ROCK2: variants seen among roughly 807,000 people sequenced by gnomAD.
ROCK2 encodes Rho associated coiled-coil containing protein kinase 2, also known as rho-associated protein kinase 2.
A neutral mutation model predicts 195.1 loss-of-function variants in ROCK2; 61 were observed. The observed-to-expected ratio is 0.31, with a 90% CI of 0.25 to 0.39. The LOEUF is 0.39. Ranked by LOEUF, ROCK2 falls within the 10% of genes least tolerant of loss-of-function variation. The probability of loss-of-function intolerance (pLI) is 1.00; values close to 1 mark genes in which losing one functional copy is unlikely to be tolerated. For synonymous variants in ROCK2, 504 were observed against 545.5 expected, an observed-to-expected ratio of 0.92 and a Z score of 1.06; for missense variants, 1,109 against 1,637.4, an observed-to-expected ratio of 0.68 and a Z score of 5.57.
chr2:11,307,036 A>G (rs574932069), intron 1 of ROCK2, among the ~76,000 whole-genome samples: 1 of 152,228 alleles, frequency 6.6e-6, no homozygotes, highest in Non-Finnish European at 1.5e-5. Flanking sequence ...TGAGGTCTCG[A>G]TATTTCATTA....
intron 15 of ROCK2, 90 bp downstream of exon 15, chr2:11,215,231 A>G: frequency 7.1e-7 from 1 of 1,405,206 alleles, no homozygotes; most frequent in Non-Finnish European, 9.6e-7. Context: ...AATTAGAGGT[A>G]AAGGCCTTTT....
At chr2:11,270,567 G>A (rs1054413620) in intron 3 of ROCK2, among the ~76,000 whole-genome samples, 2 of 152,022 alleles carry the variant, frequency 1.3e-5, no homozygotes, top group South Asian at 4.1e-4. Context: ...CATGCTTTCA[G>A]TTTTGGGTGT....
At chr2:11,330,740 G>GGGAGGAGGAGGAGGGAGGA (rs148690962) in intron 1 of ROCK2, among the ~76,000 whole-genome samples, 5,305 of 43,238 alleles carry the variant, frequency 0.12, 1,976 homozygotes, top group East Asian at 0.36. Context: ...AAGATGAGGA[G>GGGAGGAGGAGGAGGGAGGA]GGAGGAGGGA....
At chr2:11,303,871 A>G (rs1254321619) in intron 1 of ROCK2, among the ~76,000 whole-genome samples, 1 of 152,176 alleles carries the variant, frequency 6.6e-6, no homozygotes, top group African/African-American at 2.4e-5. Flanking sequence ...TACTTGACCT[A>G]TAAACATCTT....
chr2:11,317,612 ATTTT>A (rs1553317464), intron 1 of ROCK2, among the ~76,000 whole-genome samples: 28 of 19,292 alleles, frequency 1.5e-3, no homozygotes, highest in African/African-American at 4.2e-3. Context: ...ATATATATAT[ATTTT>A]TTTTTTTTTT....
At chr2:11,216,776 C>T (rs1664445853) in intron 12 of ROCK2, among the ~76,000 whole-genome samples, 1 of 151,316 alleles carries the variant, frequency 6.6e-6, no homozygotes, top group African/African-American at 2.4e-5. Flanking sequence ...CCAGGCTGGA[C>T]TGCAGTGGCA....
chr2:11,284,684 T>C (rs1667125606), intron 3 of ROCK2, among the ~76,000 whole-genome samples: 1 of 152,230 alleles, frequency 6.6e-6, no homozygotes, highest in Non-Finnish European at 1.5e-5. Context: ...CCAAATTTCT[T>C]TACTACTTTA....
chr2:11,314,441 T>TTACCAG (rs111799621), intron 1 of ROCK2, among the ~76,000 whole-genome samples: 122,181 of 151,268 alleles, frequency 0.81, 50,929 homozygotes, highest in East Asian at 0.99. Flanking sequence ...AGAACTTCAT[T>TTACCAG]TACATTTATT....
At chr2:11,193,127 G>GT (rs1279877241) in intron 30 of ROCK2, among the ~76,000 whole-genome samples, 5 of 152,150 alleles carry the variant, frequency 3.3e-5, no homozygotes, top group Non-Finnish European at 7.4e-5. Context: ...AGAAAACTGG[G>GT]TAACAGCTAT....
chr2:11,277,576 C>T (rs541068676), intron 3 of ROCK2, among the ~76,000 whole-genome samples: 3 of 152,262 alleles, frequency 2.0e-5, no homozygotes, highest in African/African-American at 4.8e-5. Context: ...TGAGAACATA[C>T]GATATTTGGT....
chr2:11,208,751 C>T (rs1184705731), intron 18 of ROCK2, among the ~76,000 whole-genome samples: 4 of 151,986 alleles, frequency 2.6e-5, no homozygotes, highest in South Asian at 2.1e-4. Flanking sequence ...TGCCACCACA[C>T]CCAGCTAAGT....
intron 5 of ROCK2, among the ~76,000 whole-genome samples, chr2:11,228,775 A>G: frequency 6.6e-6 from 1 of 152,162 alleles, no homozygotes; most frequent in Non-Finnish European, 1.5e-5. Flanking sequence ...ACACACACAG[A>G]CAGACACAAA....
At position 11,214,876 on chromosome 2, in the gene ROCK2, G is replaced by A; in HGVS notation, c.1900C>T (p.Arg634Ter). The A allele has an allele frequency of 6.2e-7, 1 of 1,612,994 alleles. No homozygotes were observed. Among genetic ancestry groups the A allele is most frequent in the Non-Finnish European group, 8.5e-7 (1 of 1,179,830 alleles). ...QSALESERRD[R>*]THGSEIINDL... ...TTAATTATCTCTGATCCATGGGTTCGATCCCTCCTTTCAGATTCTAGAGCT... is the reference window on the plus strand; with the variant it reads ...TTAATTATCTCTGATCCATGGGTTCAATCCCTCCTTTCAGATTCTAGAGCT... The change falls in exon 16 of 33, where the codon CGA becomes TGA. Residue 634 changes from arginine to a stop codon, truncating the protein, a stop_gained. Coordinates refer to ENST00000315872, the MANE Select transcript of ROCK2 (RefSeq NM_004850.5). LOFTEE classifies it high-confidence loss of function.
At chr2:11,332,973 T>G (rs745440881) in intron 1 of ROCK2, among the ~76,000 whole-genome samples, 1 of 152,132 alleles carries the variant, frequency 6.6e-6, no homozygotes, top group Non-Finnish European at 1.5e-5. Flanking sequence ...GACAAACTTA[T>G]AGAGACAGAA....
rs528917551 is a variant in ROCK2 at position 11,181,412 on chromosome 2, G to A, written c.*2025C>T. ...TGCAGAACACACCTGCAAAGGAAAC[G>A]GCATGCACGTCTAGTCTGAGCACAG... On this transcript the variant is annotated 3_prime_UTR_variant, in exon 33 of 33. Transcript: ENST00000315872. 2.6e-5 allele frequency: 4 copies of A among 151,752 alleles called. No homozygotes were observed. Among genetic ancestry groups the A allele is most frequent in the East Asian group, 3.9e-4 (2 of 5,168 alleles). The allele number at this position is 151,752 out of a possible 1,614,324, so 9.4% of individuals were successfully genotyped here.
intron 20 of ROCK2, among the ~76,000 whole-genome samples, chr2:11,202,792 G>A (rs755205803): frequency 6.6e-6 from 1 of 152,248 alleles, no homozygotes; most frequent in Non-Finnish European, 1.5e-5. Context: ...CACTGCACCC[G>A]GCAGAACCCT....
At chr2:11,309,906 T>C (rs1667979963) in intron 1 of ROCK2, among the ~76,000 whole-genome samples, 3 of 151,778 alleles carry the variant, frequency 2.0e-5, no homozygotes, top group African/African-American at 4.8e-5. Context: ...GTTTGAGCCC[T>C]GGAGGCAAAA....
At chr2:11,273,449 GAC>G (rs1244324700) in intron 3 of ROCK2, among the ~76,000 whole-genome samples, 2 of 152,130 alleles carry the variant, frequency 1.3e-5, no homozygotes, top group East Asian at 3.9e-4. Context: ...ACAGTAAGAA[GAC>G]ACAGCAATTA....
intron 9 of ROCK2, 56 bp downstream of exon 9, chr2:11,221,142 C>T: frequency 1.5e-6 from 2 of 1,311,878 alleles, no homozygotes; most frequent in Middle Eastern, 4.1e-4. Context: ...AATAACACAT[C>T]ATCTTATAGC....
Sources: allele counts gnomAD v4.1 joint callset (sites outside exome capture counted in the v4.1 genomes callset), GRCh38; gene constraint gnomAD v4.1.1; transcripts MANE v1.5; gene names NCBI Gene and HGNC (gene_info 2026-07-23, HGNC 2026-07-21).